Variants in SCYL3 observed in about 807,000 individuals in gnomAD.
SCYL3 encodes SCY1 like pseudokinase 3.
A neutral mutation model predicts 73.8 loss-of-function variants in SCYL3; 35 were observed. The observed-to-expected ratio is 0.47, with a 90% confidence interval of 0.36 to 0.63. The LOEUF (loss-of-function observed/expected upper bound fraction) is 0.63. Ranked by LOEUF, SCYL3 falls within the 20% of genes least tolerant of loss-of-function variation. The pLI is 0.00. For synonymous variants in SCYL3, 277 were observed against 295.2 expected, an observed-to-expected ratio of 0.94 and a Z score of 0.63; for missense variants, 712 against 798.9, an observed-to-expected ratio of 0.89 and a Z score of 1.31.
chr1:169,855,054 A>G (rs373887522), intron 11 of SCYL3, 90 bp from the exon 12 acceptor site: 1 of 900,494 alleles, frequency 1.1e-6, no homozygotes, highest in Non-Finnish European at 1.7e-6. Flanking sequence ...GTGTAGTAGT[A>G]TAGGTCTAAT....
intron 2 of SCYL3, among the ~76,000 whole-genome samples, chr1:169,887,156 CA>C (rs966073377): frequency 6.6e-6 from 1 of 152,068 alleles, no homozygotes; most frequent in Admixed American, 6.6e-5. Flanking sequence ...TTCCCAAATT[CA>C]TATATGAGGT....
At position 169,852,658 on chromosome 1, in the gene SCYL3, T is replaced by TG; in HGVS notation, c.*1054dup. 3 of 885,994 alleles carry TG rather than the reference T, an allele frequency of 3.4e-6. No individual in the cohort carries two copies. The highest frequency in any genetic ancestry group is 1.7e-5 in the South Asian group (1 of 57,896). The allele number at this position is 885,994 out of a possible 1,614,324, so 54.9% of individuals were successfully genotyped here. The stretch of plus-strand genomic sequence containing the variant: ...TTTCTAGATGACTGTGTAGGGGTTT[T>TG]GGGGTGCATCCTCCTACCCTTGTGA... On this transcript the variant is annotated 3_prime_UTR_variant, in exon 13 of 13. Coordinates refer to ENST00000367771, the MANE Select transcript of SCYL3 (RefSeq NM_020423.7).
intron 2 of SCYL3, among the ~76,000 whole-genome samples, chr1:169,884,451 C>A (rs1231956649): frequency 6.6e-6 from 1 of 152,094 alleles, no homozygotes; most frequent in Non-Finnish European, 1.5e-5. Context: ...GCGCCCACCA[C>A]CATGCCTGGC....
chr1:169,872,109 G>C (rs1323831663), intron 5 of SCYL3, among the ~76,000 whole-genome samples: 4 of 152,256 alleles, frequency 2.6e-5, no homozygotes, highest in Non-Finnish European at 4.4e-5. Context: ...GGGCATGTCA[G>C]AGATCTTCAT....
chr1:169,893,577 G>A (rs1328757217), intron 1 of SCYL3, among the ~76,000 whole-genome samples: 2 of 152,056 alleles, frequency 1.3e-5, no homozygotes, highest in African/African-American at 4.8e-5. Context: ...GCAGATTACA[G>A]GGCGCCCCAC....
Position 169,852,179 on chromosome 1 carries a change from A to G in SCYL3, c.*1534T>C. On this transcript the variant is annotated 3_prime_UTR_variant, in exon 13 of 13. Coordinates refer to ENST00000367771, the MANE Select transcript of SCYL3 (RefSeq NM_020423.7). Reference sequence around the variant, plus strand: ...GGTAGTAACCTTTAAGGGAAGTTACATATTGTACCAGTGATGCTATAAATG... The same window carrying G: ...GGTAGTAACCTTTAAGGGAAGTTACGTATTGTACCAGTGATGCTATAAATG... The G allele has an allele frequency of 3.7e-6, 2 of 544,844 alleles. No homozygotes were observed. The highest frequency in any genetic ancestry group is 4.2e-5 in the South Asian group (2 of 47,442). The allele number at this position is 544,844 out of a possible 1,614,324, so 33.8% of individuals were successfully genotyped here. A position where few individuals can be genotyped will look rare whatever the true frequency, so the allele number is the denominator to read the frequency against.
Position 169,851,858 on chromosome 1 carries a change from T to C in SCYL3, c.*1855A>G, listed in dbSNP as rs116769474. On this transcript the variant is annotated 3_prime_UTR_variant, in exon 13 of 13. Transcript: ENST00000367771. ...AAACTGAAGCTGCCAAAGTGGAACG[T>C]GTGAAACAGGAAAAAGGTATTTTCT... is the stretch of plus-strand genomic sequence containing the variant. 1 of 1,614,072 alleles carries C rather than the reference T, an allele frequency of 6.2e-7. No individual in the cohort carries two copies. The highest frequency in any genetic ancestry group is 1.1e-5 in the South Asian group (1 of 91,088).
chr1:169,860,247 C>T (rs1475056155), intron 10 of SCYL3, among the ~76,000 whole-genome samples: 1 of 152,198 alleles, frequency 6.6e-6, no homozygotes, highest in Non-Finnish European at 1.5e-5. Context: ...GTCTAACATT[C>T]TTAAATTTTT....
chr1:169,873,835 G>A (rs1200325940), intron 4 of SCYL3, 83 bp from the exon 5 acceptor site: 3 of 945,832 alleles, frequency 3.2e-6, no homozygotes, highest in Non-Finnish European at 5.1e-6. Flanking sequence ...CATAAGCAAT[G>A]AGCAATGCAA....
At chr1:169,890,292 G>C (rs1661987885) in intron 1 of SCYL3, among the ~76,000 whole-genome samples, 1 of 152,212 alleles carries the variant, frequency 6.6e-6, no homozygotes. Flanking sequence ...AACAACGTAT[G>C]TCTGAAAAAT....
At position 169,854,719 on chromosome 1, in the gene SCYL3, C is replaced by T. The variant is rs776992376; in HGVS notation, c.1558G>A (p.Glu520Lys). ...ACTTTAGTATCTAAGCTGCTGGGCT[C>T]GCAGTCATCCCAAGATGACTCTTCC... Reference protein sequence around the residue: ...DVEESSWDDCEPSSLDTKVNP... With the variant: ...DVEESSWDDCKPSSLDTKVNP... Residue 520 changes from glutamate to lysine, a missense_variant, in exon 12 of 13, where the codon GAG becomes AAG. Physicochemically the swap from Glu to Lys is moderately conservative, Grantham distance 56. Transcript: ENST00000367771. 13 of 1,613,884 alleles carry T rather than the reference C, an allele frequency of 8.1e-6. No homozygotes were observed. The highest frequency in any genetic ancestry group is 5.0e-5 in the Admixed American group (3 of 59,978).
intron 2 of SCYL3, among the ~76,000 whole-genome samples, chr1:169,880,078 G>C (rs1558139495): frequency 6.6e-6 from 1 of 151,774 alleles, no homozygotes; most frequent in African/African-American, 2.4e-5. Context: ...GACCAGCCTG[G>C]GCAACACAGT....
chr1:169,880,157 C>T (rs1425772593), intron 2 of SCYL3, among the ~76,000 whole-genome samples: 3 of 151,272 alleles, frequency 2.0e-5, no homozygotes, highest in African/African-American at 7.3e-5. Flanking sequence ...ACACCTGTGA[C>T]AATAACAAAA....
At position 169,870,325 on chromosome 1, in the gene SCYL3, A is replaced by G; in HGVS notation, c.555T>C (p.His185=). 1 of 1,613,492 alleles carries G rather than the reference A, an allele frequency of 6.2e-7. No individual in the cohort carries two copies. Among genetic ancestry groups the G allele is most frequent in the Non-Finnish European group, 8.5e-7 (1 of 1,179,704 alleles). The change falls in exon 6 of 13, where the codon CAT becomes CAC. Residue 185 remains histidine, a synonymous_variant. Coordinates refer to ENST00000367771, the MANE Select transcript of SCYL3 (RefSeq NM_020423.7). ...SPEFTTLPEC[H]GHARDAFSFG... is the part of the protein sequence containing the mutation. ...ATGAAAAGGCATCCCGGGCATGTCC[A>G]TGACACTCTGGGAGAGTTGTGAATT...
rs115803740 is a variant in SCYL3 at position 169,861,706 on chromosome 1, A to G, written c.1140+907T>C. Among the ~76,000 whole-genome samples, 994 of 152,354 alleles carry G rather than the reference A, an allele frequency of 6.5e-3. 8 individuals are homozygous for G. The highest frequency in any genetic ancestry group is 0.012 in the Non-Finnish European group (805 of 68,024). On this transcript the variant is annotated intron_variant, in intron 10 of 12. Transcript: ENST00000367771. ...TTGAAAGCAGAGAGAATGTTAATCT[A>G]TCTCATAGGAAAATTATTTGAAAGA...
rs146172849 is a variant in SCYL3 at position 169,873,438 on chromosome 1, G to A, written c.522+258C>T. Among the ~76,000 whole-genome samples, 764 of 152,212 alleles carry A rather than the reference G, an allele frequency of 5.0e-3. 6 individuals are homozygous for A. Among genetic ancestry groups the A allele is most frequent in the African/African-American group, 0.018 (729 of 41,516 alleles). On this transcript the variant is annotated intron_variant, in intron 5 of 12. Transcript: ENST00000367771. ...AAACAGACTAATACAACTACTTATC[G>A]TGAAATGGGTATAATTGTCTGTTCA...
At chr1:169,865,581 T>G (rs1236172914) in intron 8 of SCYL3, among the ~76,000 whole-genome samples, 3 of 152,174 alleles carry the variant, frequency 2.0e-5, no homozygotes, top group Middle Eastern at 3.2e-3. Flanking sequence ...TCTATTAATA[T>G]GCTCAGGTCT....
At chr1:169,867,566 A>T (rs1189478759) in intron 7 of SCYL3, among the ~76,000 whole-genome samples, 2 of 152,230 alleles carry the variant, frequency 1.3e-5, no homozygotes, top group African/African-American at 4.8e-5. Flanking sequence ...GCTCCGGCAT[A>T]CAAGCTGGAC....
In SCYL3 at chr1:169,888,767, G is replaced by A. The variant is rs768463242; in HGVS notation, c.74C>T (p.Ala25Val). The A allele has an allele frequency of 1.9e-6, 3 of 1,613,988 alleles. No homozygotes were observed. In the South Asian group the frequency reaches 3.3e-5, roughly 18 times the overall value. Residue 25 changes from alanine to valine, a missense_variant, in exon 2 of 13, where the codon GCT becomes GTT. Physicochemically the swap from Ala to Val is moderately conservative, Grantham distance 64. Around this residue, in one of 2 missense-constraint regions of SCYL3, gnomAD observed 342 missense variants for 448.1 expected, o/e 0.76. Transcript: ENST00000367771. ...ATCTTGCAGTACAGCGGGATAAACA[G>A]CAAGTCCAGAGGGTAAGGTAAATGG... ...EPPFTLPSGL[A>V]VYPAVLQDGK... is the part of the protein sequence containing the mutation.
Sources: allele counts gnomAD v4.1 joint callset (sites outside exome capture counted in the v4.1 genomes callset), GRCh38; gene constraint gnomAD v4.1.1; regional missense constraint gnomAD v4.1.1; transcripts MANE v1.5; gene names NCBI Gene and HGNC (gene_info 2026-07-23, HGNC 2026-07-21).